TRIM27: variants seen among roughly 807,000 people sequenced by gnomAD.
TRIM27 encodes the protein tripartite motif containing 27.
In TRIM27, 12 loss-of-function variants were observed where a neutral mutation model predicts 57.6. The observed-to-expected ratio is 0.21, with a 90% confidence interval of 0.13 to 0.34. The LOEUF is 0.34. Among genes scored for constraint, TRIM27 ranks in the 10% least tolerant of loss-of-function variants. The pLI is 1.00. For synonymous variants in TRIM27, 266 were observed against 259.0 expected (o/e 1.03, Z -0.26); for missense variants, 403 against 656.8 (o/e 0.61, Z 4.22).
intron 2 of TRIM27, 77 bp from the exon 3 acceptor site, chr6:28,920,319 T>C (rs1362531630): frequency 2.3e-6 from 3 of 1,301,894 alleles, no homozygotes; most frequent in Admixed American, 4.5e-5. Flanking sequence ...CCTGTGACCA[T>C]GTAGCCCAAG....
chr6:28,920,858 A>G (rs771393252), intron 2 of TRIM27, among the ~76,000 whole-genome samples: 21 of 152,292 alleles, frequency 1.4e-4, no homozygotes, highest in Non-Finnish European at 2.9e-4. Context: ...GGAACAACCA[A>G]TAACAGCTTC....
At position 28,914,230 on chromosome 6, in the gene TRIM27, G is replaced by A. The variant is rs192793584; in HGVS notation, c.748-2512C>T. On this transcript the variant is annotated intron_variant, in intron 3 of 7. Transcript: ENST00000377199. ...AGCTCACTGCAACTTCCACCTCCGGGTTCAAGAGATTCTCCTGCCTCAGCC... is the reference window on the plus strand; with the variant it reads ...AGCTCACTGCAACTTCCACCTCCGGATTCAAGAGATTCTCCTGCCTCAGCC... Among the ~76,000 whole-genome samples the A allele has an allele frequency of 5.0e-3, 756 of 150,786 alleles. 2 individuals are homozygous for A. Among genetic ancestry groups the A allele is most frequent in the Non-Finnish European group, 7.9e-3 (535 of 67,748 alleles).
At position 28,923,628 on chromosome 6, in the gene TRIM27, G is replaced by T; in HGVS notation, c.5C>A (p.Ala2Asp). 6.3e-7 allele frequency: 1 copy of T among 1,576,286 alleles called. No homozygotes were observed. M[A>D]SGSVAECLQQ... ...CAGGCACTCGGCCACACTCCCGGAGGCCATGGCGCCGGCCTGCGGGGGCGC... is the reference window on the plus strand; with the variant it reads ...CAGGCACTCGGCCACACTCCCGGAGTCCATGGCGCCGGCCTGCGGGGGCGC... Residue 2 changes from alanine to aspartate, a missense_variant, in exon 1 of 8, where the codon GCC (alanine) becomes GAC (aspartate). Transcript: ENST00000377199.
In TRIM27 at chr6:28,923,905, C is replaced by A. The variant is rs1774273911; in HGVS notation, c.-273G>T. 4 of 450,838 alleles carry A rather than the reference C, an allele frequency of 8.9e-6. 1 individual carries two copies. The South Asian group carries it at 1.9e-4, about 21-fold the overall frequency. 27.9% of individuals were successfully genotyped at this position (450,838 alleles called of 1,614,324 possible). On this transcript the variant is annotated 5_prime_UTR_variant, in exon 1 of 8. Transcript: ENST00000377199. ...CGCTAGTGGGGCAGGAAAGGGTAGCCGAGGGTCAGAGTCCCAGGGCCAGGC... is the reference window on the plus strand; with the variant it reads ...CGCTAGTGGGGCAGGAAAGGGTAGCAGAGGGTCAGAGTCCCAGGGCCAGGC...
At position 28,904,051 on chromosome 6, in the gene TRIM27, T is replaced by C. The variant is rs200081105; in HGVS notation, c.*19A>G. The C allele has an allele frequency of 3.7e-6, 6 of 1,601,800 alleles. No individual in the cohort carries two copies. Among genetic ancestry groups the C allele is most frequent in the South Asian group, 1.1e-5 (1 of 90,316 alleles). ...CGTAGGATTACAGCCAACAGCCCTT[T>C]TGGCCTGAATTCACCTCCTCAAGGG... On this transcript the variant is annotated 3_prime_UTR_variant, in exon 8 of 8. Transcript: ENST00000377199. The surrounding 1 kb of genome is among the most constrained non-coding windows in gnomAD (Gnocchi z 6.1).
At chr6:28,914,103 G>C (rs569553724) in intron 3 of TRIM27, among the ~76,000 whole-genome samples, 28 of 146,884 alleles carry the variant, frequency 1.9e-4, no homozygotes, top group Middle Eastern at 3.4e-3. Flanking sequence ...CTCACTGCAG[G>C]CTCAACCTCT....
intron 3 of TRIM27, among the ~76,000 whole-genome samples, chr6:28,912,109 T>G (rs1210732955): frequency 1.7e-4 from 26 of 149,738 alleles, no homozygotes; most frequent in African/African-American, 6.1e-4. Flanking sequence ...CAGTATACTT[T>G]TTTTTTTTTT....
intron 7 of TRIM27, chr6:28,905,252 A>T (rs77095637): frequency 0.02 from 3,110 of 152,374 alleles, 53 homozygotes; most frequent in East Asian, 0.057. Flanking sequence ...ATCATCCCTT[A>T]TTCTGAAAAT....
intron 7 of TRIM27, chr6:28,906,865 C>G (rs1245476479): frequency 4.9e-6 from 1 of 202,234 alleles, no homozygotes; most frequent in Non-Finnish European, 1.0e-5. Flanking sequence ...CTCAAGAGCA[C>G]TATTGTGGAG....
chr6:28,911,691 T>G lies in TRIM27; in HGVS notation c.770+5A>C. On this transcript the variant is annotated splice_donor_5th_base_variant and intron_variant, in intron 4 of 7. Coordinates refer to ENST00000377199, the MANE Select transcript of TRIM27 (RefSeq NM_006510.5). ...ATTTAACACTAGGGAAACAGAAAAC[T>G]ATACCTGCTCAATGTGTCCCCAATG... 3 of 1,611,992 alleles carry G rather than the reference T, an allele frequency of 1.9e-6. No homozygotes were observed. Among genetic ancestry groups the G allele is most frequent in the Non-Finnish European group, 1.7e-6 (2 of 1,179,386 alleles).
At chr6:28,911,862 T>C in intron 3 of TRIM27, 144 bp from the exon 4 acceptor site, 1 of 766,530 alleles carries the variant, frequency 1.3e-6, no homozygotes, top group Admixed American at 2.7e-5. Context: ...CATAACTCAG[T>C]GTTGAGGAGC....
intron 2 of TRIM27, 25 bp from the exon 3 acceptor site, chr6:28,920,267 G>T: frequency 6.5e-7 from 1 of 1,547,396 alleles, no homozygotes; most frequent in Non-Finnish European, 8.7e-7. Context: ...GGGAAAGGCA[G>T]TAAAGAGAAA....
rs754137938 is a variant in TRIM27 at position 28,904,511 on chromosome 6, G to T, written c.1101C>A (p.Ile367=). ...FPCVLGSPCF[I]AGRHYWEVEV... is the part of the protein sequence containing the mutation. Reference sequence around the variant, plus strand: ...CTACCTCCCAATAATGTCTCCCGGCGATGAAGCATGGAGAGCCCAAGACAC... The same window carrying T: ...CTACCTCCCAATAATGTCTCCCGGCTATGAAGCATGGAGAGCCCAAGACAC... The change falls in exon 8 of 8, where the codon ATC becomes ATA. Residue 367 remains isoleucine (I), a synonymous_variant. Coordinates refer to ENST00000377199, the MANE Select transcript of TRIM27 (RefSeq NM_006510.5). The surrounding 1 kb of genome is among the most constrained non-coding windows in gnomAD (Gnocchi z 6.1). 27 of 1,612,868 alleles carry T rather than the reference G, an allele frequency of 1.7e-5. No homozygotes were observed. The highest frequency in any genetic ancestry group is 2.2e-5 in the Non-Finnish European group (26 of 1,180,002).
chr6:28,917,954 G>A (rs1773737494), intron 3 of TRIM27, among the ~76,000 whole-genome samples: 1 of 151,860 alleles, frequency 6.6e-6, no homozygotes, highest in Admixed American at 6.6e-5. Flanking sequence ...AGCCTCCTGA[G>A]TAGCTGGGAT....
Position 28,923,372 on chromosome 6 carries a change from C to A in TRIM27, c.261G>T (p.Ser87=). 1.2e-6 allele frequency: 2 copies of A among 1,612,110 alleles called. No individual in the cohort carries two copies. Among genetic ancestry groups the A allele is most frequent in the Non-Finnish European group, 1.7e-6 (2 of 1,179,670 alleles). The change falls in exon 1 of 8, where the codon TCG becomes TCT. Residue 87 remains serine (S), a synonymous_variant. Transcript: ENST00000377199. ...LVKQLRTERP[S]GPGGEMGVCE... is the part of the protein sequence containing the mutation. ...ACACGCCCATCTCGCCGCCGGGCCC[C>A]GACGGCCGCTCGGTGCGCAGCTGCT...
At chr6:28,911,771 T>C in intron 3 of TRIM27, 53 bp from the exon 4 acceptor site, 1 of 1,586,518 alleles carries the variant, frequency 6.3e-7, no homozygotes, top group Non-Finnish European at 8.6e-7. Context: ...AAACTTCGGT[T>C]TTCTTTCACA....
intron 3 of TRIM27, among the ~76,000 whole-genome samples, chr6:28,912,172 C>T (rs1361488849): frequency 1.3e-5 from 2 of 149,884 alleles, no homozygotes; most frequent in Non-Finnish European, 3.0e-5. Flanking sequence ...TGCAATGGCG[C>T]GATCTTGGCT....
At chr6:28,908,473 A>C (rs1772940626) in intron 6 of TRIM27, 1 of 291,596 alleles carries the variant, frequency 3.4e-6, no homozygotes, top group South Asian at 6.2e-5. Context: ...TACAATGATA[A>C]ACACTGGCTC....
chr6:28,923,664 G>A lies in TRIM27; in HGVS notation c.-32C>T, dbSNP rs1262870763. ...GGCCTGCGGGGGCGCACGGGCATGG[G>A]CCCCGGCGCCGAGCTCTGCACTGAG... On this transcript the variant is annotated 5_prime_UTR_variant, in exon 1 of 8. Transcript: ENST00000377199. The A allele has an allele frequency of 6.6e-7, 1 of 1,506,528 alleles. No individual in the cohort carries two copies. Among genetic ancestry groups the A allele is most frequent in the East Asian group, 2.4e-5 (1 of 41,108 alleles). The allele number at this position is 1,506,528 out of a possible 1,614,324, so 93.3% of individuals were successfully genotyped here. A position where few individuals can be genotyped will look rare whatever the true frequency, so the allele number is the denominator to read the frequency against.
Sources: allele counts gnomAD v4.1 joint callset (sites outside exome capture counted in the v4.1 genomes callset), GRCh38; gene constraint gnomAD v4.1.1; non-coding constraint Gnocchi (gnomAD v3.1); transcripts MANE v1.5; gene names NCBI Gene and HGNC (gene_info 2026-07-23, HGNC 2026-07-21).